Variants in SGIP1 observed in about 807,000 individuals in gnomAD.
SGIP1 encodes the protein SH3GL interacting endocytic adaptor 1.
In SGIP1, 38 loss-of-function variants were observed where a neutral mutation model predicts 107.5. The ratio of observed to expected loss-of-function variants is 0.35; its 90% CI spans 0.27 to 0.46. The LOEUF is 0.46. Ranked by LOEUF, SGIP1 falls within the 20% of genes least tolerant of loss-of-function variation. The pLI is 1.00. For synonymous variants in SGIP1, 365 were observed against 366.1 expected, an observed-to-expected ratio of 1.00 and a Z score of 0.03; for missense variants, 929 against 1,019.5, an observed-to-expected ratio of 0.91 and a Z score of 1.21.
Position 66,682,142 on chromosome 1 carries a change from C to T in SGIP1, c.1088C>T (p.Pro363Leu). Residue 363 changes from proline (P) to leucine (L), a missense_variant, in exon 15 of 25, where the codon CCT (proline) becomes CTT (leucine). Physicochemically the swap from Pro to Leu is moderately conservative, Grantham distance 98. This residue lies in a region of SGIP1 where 588 missense variants were observed against 588.6 expected (regional missense o/e 1.00). Coordinates refer to ENST00000371037, the MANE Select transcript of SGIP1 (RefSeq NM_032291.4). ...CCAGGTCCCACAGGCCCCCCAGGGC[C>T]TCCTGGGCCTCCTCGCAATGTACTA... The part of the protein sequence containing the change: ...GPPGPTGPPG[P>L]PGPPRNVLSP... The T allele has an allele frequency of 6.2e-7, 1 of 1,614,252 alleles. No individual in the cohort carries two copies. The highest frequency in any genetic ancestry group is 8.5e-7 in the Non-Finnish European group (1 of 1,180,040).
At chr1:66,644,804 A>T (rs1470990616) in intron 7 of SGIP1, among the ~76,000 whole-genome samples, 1 of 152,220 alleles carries the variant, frequency 6.6e-6, no homozygotes, top group African/African-American at 2.4e-5. Context: ...TGCTAAGAGA[A>T]ACTAACCACA....
At chr1:66,678,701 TAATA>T (rs1380547136) in intron 13 of SGIP1, among the ~76,000 whole-genome samples, 3 of 152,002 alleles carry the variant, frequency 2.0e-5, no homozygotes, top group African/African-American at 7.2e-5. Flanking sequence ...TACCTAAAAA[TAATA>T]AATAAAGTAC....
intron 7 of SGIP1, chr1:66,660,235 G>C (rs1157324520): frequency 2.7e-6 from 1 of 374,290 alleles, no homozygotes; most frequent in Admixed American, 5.0e-5. Flanking sequence ...GAAAGAGGGA[G>C]GGAGGGAGGG....
chr1:66,576,190 A>G (rs531225324), intron 1 of SGIP1, among the ~76,000 whole-genome samples: 1 of 152,146 alleles, frequency 6.6e-6, no homozygotes, highest in Non-Finnish European at 1.5e-5. Flanking sequence ...CTGTGTTAGC[A>G]CTCGTATTTT....
intron 13 of SGIP1, among the ~76,000 whole-genome samples, chr1:66,679,399 G>A (rs1445524352): frequency 1.3e-5 from 2 of 152,024 alleles, no homozygotes; most frequent in African/African-American, 2.4e-5. Context: ...TGCTGCTTGA[G>A]GTTTGTGTGT....
At position 66,707,226 on chromosome 1, in the gene SGIP1, A is replaced by AT. The variant is rs200446568; in HGVS notation, c.1630+11742dup. ...TAAACTTTGTCAAGTGTAGAAAAGC[A>AT]TTTTTTTTTCTAACCAATAATAATA... On this transcript the variant is annotated intron_variant, in intron 18 of 24. Transcript: ENST00000371037. Among the ~76,000 whole-genome samples the AT allele has an allele frequency of 4.5e-3, 681 of 151,242 alleles. 7 individuals carry two copies. Among genetic ancestry groups the AT allele is most frequent in the African/African-American group, 0.015 (618 of 41,246 alleles).
At chr1:66,663,036 T>C (rs1049499647) in intron 8 of SGIP1, among the ~76,000 whole-genome samples, 7 of 151,994 alleles carry the variant, frequency 4.6e-5, no homozygotes, top group African/African-American at 1.5e-4. Flanking sequence ...AAAACGATTT[T>C]AGCCCACATT....
At chr1:66,670,532 T>G (rs1225258990) in intron 9 of SGIP1, among the ~76,000 whole-genome samples, 1 of 152,214 alleles carries the variant, frequency 6.6e-6, no homozygotes. Context: ...ATCTATACCT[T>G]TTAAAATCAC....
intron 8 of SGIP1, 106 bp from the exon 9 acceptor site, chr1:66,667,424 T>A: frequency 1.0e-6 from 1 of 1,004,624 alleles, no homozygotes; most frequent in Non-Finnish European, 1.6e-6. Context: ...CTCTGGAGTG[T>A]ATGTTTGGTT....
intron 14 of SGIP1, among the ~76,000 whole-genome samples, chr1:66,680,491 T>G (rs1214554289): frequency 6.6e-6 from 1 of 152,210 alleles, no homozygotes; most frequent in Non-Finnish European, 1.5e-5. Flanking sequence ...TCCTTTGCTA[T>G]TTATGCAGCC....
intron 1 of SGIP1, among the ~76,000 whole-genome samples, chr1:66,557,113 CAG>C (rs1470772229): frequency 1.3e-5 from 2 of 152,090 alleles, no homozygotes; most frequent in Non-Finnish European, 2.9e-5. Context: ...GAGGGTCAGT[CAG>C]AGAATATACC....
intron 19 of SGIP1, among the ~76,000 whole-genome samples, chr1:66,721,194 C>T (rs1014301079): frequency 6.6e-6 from 1 of 152,222 alleles, no homozygotes. Flanking sequence ...ATAGAGCATA[C>T]GTCTGAACTG....
At chr1:66,673,752 G>T (rs924245465) in intron 12 of SGIP1, among the ~76,000 whole-genome samples, 5 of 152,032 alleles carry the variant, frequency 3.3e-5, no homozygotes, top group African/African-American at 1.2e-4. Context: ...CTGTCGTTGG[G>T]GTGTGGCCTC....
intron 1 of SGIP1, among the ~76,000 whole-genome samples, chr1:66,569,573 C>A (rs549805453): frequency 2.0e-5 from 3 of 151,846 alleles, no homozygotes; most frequent in African/African-American, 7.2e-5. Flanking sequence ...AATGTTGAAC[C>A]AGCATTGCCA....
chr1:66,709,521 G>A (rs1349580401), intron 18 of SGIP1, among the ~76,000 whole-genome samples: 1 of 152,076 alleles, frequency 6.6e-6, no homozygotes, highest in Non-Finnish European at 1.5e-5. Context: ...CTGGACACAT[G>A]GTTGTAGTCA....
chr1:66,554,136 A>G (rs12750223), intron 1 of SGIP1, among the ~76,000 whole-genome samples: 21,870 of 152,144 alleles, frequency 0.14, 2,058 homozygotes, highest in East Asian at 0.43. Context: ...ACACAGCTCC[A>G]AGAATTTTCT....
At chr1:66,713,714 T>C (rs2093059767) in intron 18 of SGIP1, among the ~76,000 whole-genome samples, 2 of 152,118 alleles carry the variant, frequency 1.3e-5, no homozygotes, top group Admixed American at 1.3e-4. Context: ...CCTAGCACAA[T>C]GTCTAATTAT....
chr1:66,671,040 A>G, intron 10 of SGIP1, 21 bp downstream of exon 10: 1 of 1,278,132 alleles, frequency 7.8e-7, no homozygotes, highest in Non-Finnish European at 1.1e-6. Context: ...CTTAGCTACC[A>G]GAAATAGTGT....
At chr1:66,638,949 A>G (rs1248724892) in intron 4 of SGIP1, among the ~76,000 whole-genome samples, 1 of 152,158 alleles carries the variant, frequency 6.6e-6, no homozygotes, top group Non-Finnish European at 1.5e-5. Flanking sequence ...TCCTTTACCA[A>G]CGTGATTTGT....
Sources: gnomAD v4.1 joint callset for allele counts (sites outside exome capture counted in the v4.1 genomes callset) on GRCh38, gnomAD v4.1.1 for gene constraint, gnomAD v4.1.1 regional missense constraint, MANE v1.5 for transcripts, NCBI Gene and HGNC (gene_info 2026-07-23, HGNC 2026-07-21) for gene names.